The following TBC1D1 variants were observed in gnomAD, a reference collection of about 807,000 sequenced individuals.
TBC1D1 encodes TBC1 domain family member 1.
TBC1D1 carries 89 observed loss-of-function variants against 125.6 expected under a neutral mutation model. That is an observed-to-expected ratio of 0.71 (90% confidence interval 0.60 to 0.85). The LOEUF (loss-of-function observed/expected upper bound fraction) is 0.85, where lower values mean the gene tolerates loss of function less well. TBC1D1 is among the 40% of genes least tolerant of loss of function. The pLI, the probability that TBC1D1 is intolerant of heterozygous loss-of-function variation, is 0.00. For synonymous variants in TBC1D1, 565 were observed against 564.1 expected, an observed-to-expected ratio of 1.00 and a Z score of -0.02; for missense variants, 1,377 against 1,469.2, an observed-to-expected ratio of 0.94 and a Z score of 1.03.
chr4:37,933,424 C>T (rs1481662512), intron 2 of TBC1D1, among the ~76,000 whole-genome samples: 4 of 133,742 alleles, frequency 3.0e-5, no homozygotes, highest in Non-Finnish European at 6.2e-5. Context: ...TGTATACACA[C>T]ATATGTTTTA....
chr4:37,967,403 G>C (rs1405120144), intron 2 of TBC1D1, among the ~76,000 whole-genome samples: 2 of 151,906 alleles, frequency 1.3e-5, no homozygotes, highest in African/African-American at 4.8e-5. Context: ...GCTGAGGCAG[G>C]AGAATCGCTT....
At chr4:38,113,875 T>C (rs1041665754) in intron 15 of TBC1D1, among the ~76,000 whole-genome samples, 5 of 152,222 alleles carry the variant, frequency 3.3e-5, no homozygotes, top group African/African-American at 1.2e-4. Flanking sequence ...TCAGTATTTT[T>C]ATATTGATTA....
intron 1 of TBC1D1, among the ~76,000 whole-genome samples, chr4:37,895,215 A>G (rs1714297474): frequency 6.6e-6 from 1 of 152,202 alleles, no homozygotes; most frequent in Admixed American, 6.6e-5. Flanking sequence ...TGTAAGTTAA[A>G]TCAGTTAATA....
Position 38,052,075 on chromosome 4 carries a change from G to A in TBC1D1, c.1911-2124G>A, listed in dbSNP as rs1435852843. ...GTGCCAAAGAGGTGAGCACACTCAC[G>A]TGGCAAGTTTGGTGTTGTCTGTTTT... On this transcript the variant is annotated intron_variant, in intron 11 of 19. Coordinates refer to ENST00000261439, the MANE Select transcript of TBC1D1 (RefSeq NM_015173.4). 1.9e-5 allele frequency: 29 copies of A among 1,550,714 alleles called. No individual in the cohort carries two copies. The highest frequency in any genetic ancestry group is 1.7e-4 in the Middle Eastern group (1 of 6,012).
At chr4:38,036,233 C>A (rs1238359408) in intron 8 of TBC1D1, among the ~76,000 whole-genome samples, 1 of 152,132 alleles carries the variant, frequency 6.6e-6, no homozygotes, top group Non-Finnish European at 1.5e-5. Context: ...TGTCTACAGC[C>A]TTATTTAGCT....
chr4:37,982,086 G>C (rs1734441459), intron 2 of TBC1D1, among the ~76,000 whole-genome samples: 1 of 152,258 alleles, frequency 6.6e-6, no homozygotes, highest in Non-Finnish European at 1.5e-5. Flanking sequence ...TTTCTTCTAA[G>C]CACAGCTTCC....
intron 19 of TBC1D1, 111 bp downstream of exon 21, chr4:38,133,368 C>A: frequency 1.1e-6 from 1 of 933,104 alleles, no homozygotes; most frequent in African/African-American, 1.7e-5. Context: ...ACCTTTCCCA[C>A]CCTGATCTGT....
At chr4:38,088,032 T>C (rs1757833076) in intron 12 of TBC1D1, among the ~76,000 whole-genome samples, 1 of 149,830 alleles carries the variant, frequency 6.7e-6, no homozygotes, top group African/African-American at 2.5e-5. Flanking sequence ...CCAGAACACA[T>C]CATAGGAATT....
At chr4:37,933,889 C>T (rs1178971176) in intron 2 of TBC1D1, among the ~76,000 whole-genome samples, 1 of 152,146 alleles carries the variant, frequency 6.6e-6, no homozygotes, top group Non-Finnish European at 1.5e-5. Flanking sequence ...AAGGCACTTT[C>T]AAGCAGAGCG....
intron 2 of TBC1D1, among the ~76,000 whole-genome samples, chr4:37,982,770 CTGTA>C (rs1257633455): frequency 6.6e-6 from 1 of 152,190 alleles, no homozygotes; most frequent in African/African-American, 2.4e-5. Flanking sequence ...TGATTTTAAC[CTGTA>C]TGTGTGTCCC....
At chr4:37,950,771 T>C (rs1378023544) in intron 2 of TBC1D1, among the ~76,000 whole-genome samples, 1 of 151,790 alleles carries the variant, frequency 6.6e-6, no homozygotes, top group Non-Finnish European at 1.5e-5. Context: ...TTTTTTTTTT[T>C]TTTTGAGACG....
intron 13 of TBC1D1, 72 bp from the exon 16 acceptor site, chr4:38,095,857 G>A (rs10517469): frequency 0.15 from 218,632 of 1,453,756 alleles, 19,016 homozygotes; most frequent in African/African-American, 0.38. Flanking sequence ...TAACAAGTAG[G>A]CAGCCATGTT....
chr4:38,115,716 C>G lies in TBC1D1; in HGVS notation c.2564C>G (p.Thr855Ser). 1 of 1,613,574 alleles carries G rather than the reference C, an allele frequency of 6.2e-7. No individual in the cohort carries two copies. The highest frequency in any genetic ancestry group is 8.5e-7 in the Non-Finnish European group (1 of 1,179,670). Residue 855 changes from threonine (T) to serine (S), a missense_variant, in exon 16 of 20, where the codon ACC becomes AGC. Transcript: ENST00000261439. ...ATATGTATTCTTTTCACAGGGCGAA[C>G]CTTTCCTACACACCCATACTTCTCT...
At chr4:37,912,701 C>T (rs1373695797) in intron 2 of TBC1D1, among the ~76,000 whole-genome samples, 7 of 152,200 alleles carry the variant, frequency 4.6e-5, no homozygotes, top group Non-Finnish European at 1.0e-4. Flanking sequence ...CTTCATGAAA[C>T]ATATTAAGCC....
In TBC1D1 at chr4:38,054,477, G is replaced by T. The variant is rs921399755; in HGVS notation, c.2050+139G>T. On this transcript the variant is annotated intron_variant, in intron 12 of 19. Coordinates refer to ENST00000261439, the MANE Select transcript of TBC1D1 (RefSeq NM_015173.4). ...CTGAGGCAATCACAAAGGTAACTAGGGAGGGAATTTAGAGGTTACCCTCCA... is the reference window on the plus strand; with the variant it reads ...CTGAGGCAATCACAAAGGTAACTAGTGAGGGAATTTAGAGGTTACCCTCCA... The T allele has an allele frequency of 9.9e-5, 112 of 1,131,468 alleles. 1 individual carries two copies. The highest frequency in any genetic ancestry group is 1.3e-4 in the Non-Finnish European group (106 of 806,974). The allele number at this position is 1,131,468 out of a possible 1,614,324, so 70.1% of individuals were successfully genotyped here. A position where few individuals can be genotyped will look rare whatever the true frequency, so the allele number is the denominator to read the frequency against.
chr4:37,971,574 C>A (rs1175251774), intron 2 of TBC1D1, among the ~76,000 whole-genome samples: 1 of 152,156 alleles, frequency 6.6e-6, no homozygotes, highest in Non-Finnish European at 1.5e-5. Flanking sequence ...AGCTACAATT[C>A]AAGATGAGAT....
chr4:38,085,914 T>C (rs1175412868), intron 12 of TBC1D1, among the ~76,000 whole-genome samples: 2 of 152,142 alleles, frequency 1.3e-5, no homozygotes, highest in African/African-American at 4.8e-5. Context: ...TCCACTCGAG[T>C]CCACATCTCT....
In TBC1D1 at chr4:38,116,888, C is replaced by G. The variant is rs188926195; in HGVS notation, c.2802+934C>G. Among the ~76,000 whole-genome samples the G allele has an allele frequency of 2.8e-4, 42 of 152,290 alleles. 1 individual carries two copies. The East Asian group carries it at 7.7e-3, about 28-fold the overall frequency. On this transcript the variant is annotated intron_variant, in intron 16 of 19. Coordinates refer to ENST00000261439, the MANE Select transcript of TBC1D1 (RefSeq NM_015173.4). ...GAGCCAAGGACTTGCTTTGAGAGCA[C>G]CAAATTATGTGATTCAAAATCTTTT...
In TBC1D1 at chr4:38,139,153, A is replaced by G. The variant is rs1767054273; in HGVS notation, c.*1818A>G. On this transcript the variant is annotated 3_prime_UTR_variant, in exon 20 of 20. Transcript: ENST00000261439. Reference sequence around the variant, plus strand: ...GAAAGAAACAAGAAAGCAATAAAACAAGAAATAATTCATGCTCACATTTTT... The same window carrying G: ...GAAAGAAACAAGAAAGCAATAAAACGAGAAATAATTCATGCTCACATTTTT... 6.6e-6 allele frequency: 1 copy of G among 152,510 alleles called. No homozygotes were observed. The highest frequency in any genetic ancestry group is 2.4e-5 in the African/African-American group (1 of 41,404). The allele number at this position is 152,510 out of a possible 1,614,324, so 9.4% of individuals were successfully genotyped here.
Sources: allele counts gnomAD v4.1 joint callset (sites outside exome capture counted in the v4.1 genomes callset), GRCh38; gene constraint gnomAD v4.1.1; transcripts MANE v1.5; gene names NCBI Gene and HGNC (gene_info 2026-07-23, HGNC 2026-07-21).